IGFN1: variants seen among roughly 807,000 people sequenced by gnomAD.
IGFN1 encodes the protein immunoglobulin-like and fibronectin type III domain-containing protein 1.
A neutral mutation model predicts 289.5 loss-of-function variants in IGFN1; 253 were observed. That is an observed-to-expected ratio of 0.87 (90% CI 0.79 to 0.97). IGFN1 has a LOEUF of 0.97. Among genes scored for constraint, IGFN1 ranks in the 50% least tolerant of loss-of-function variants. The pLI is 0.00. For missense variants in IGFN1, 4,470 were observed against 4,686.1 expected (o/e 0.95, Z 1.35); for synonymous variants, 1,706 against 1,788.5 (o/e 0.95, Z 1.16).
Position 201,226,107 on chromosome 1 carries a change from C to A in IGFN1, c.10770C>A (p.Cys3590Ter). ...SKPSDTSQPW[C>*]IPRQRDRFTV... is the part of the protein sequence containing the mutation. ...CCTCGGACACCAGCCAGCCCTGGTGCATCCCCCGGCAGCGCGGTAAGCAGC... is the reference window on the plus strand; with the variant it reads ...CCTCGGACACCAGCCAGCCCTGGTGAATCCCCCGGCAGCGCGGTAAGCAGC... Residue 3590 changes from cysteine to a stop codon, truncating the protein, a stop_gained, in exon 22 of 24, where the codon TGC (cysteine) becomes TGA (stop). Coordinates refer to ENST00000335211, the MANE Select transcript of IGFN1 (RefSeq NM_001164586.2). LOFTEE classifies it high-confidence loss of function. 1 of 1,596,830 alleles carries A rather than the reference C, an allele frequency of 6.3e-7. No homozygotes were observed. The highest frequency in any genetic ancestry group is 1.7e-5 in the Admixed American group (1 of 58,736).
Position 201,194,222 on chromosome 1 carries a change from TG to T in IGFN1, c.77del (p.Cys26SerfsTer68), listed in dbSNP as rs1666786075. 21 of 1,551,624 alleles carry T rather than the reference TG, an allele frequency of 1.4e-5. No homozygotes were observed. The highest frequency in any genetic ancestry group is 1.8e-5 in the Non-Finnish European group (21 of 1,146,958). On this transcript the variant is annotated frameshift_variant, in exon 3 of 24. Transcript: ENST00000335211. LOFTEE classifies it high-confidence loss of function. Reference sequence around the variant, plus strand: ...GCTGGTGGAGGAGATCCCTGAAGGCTGCAGCACGCCGGACTTTGAGCAGAAG... The same window carrying T: ...GCTGGTGGAGGAGATCCCTGAAGGCTCAGCACGCCGGACTTTGAGCAGAAG... ...WQLVEEIPEG[C>X]STPDFEQKPV...
At position 201,210,505 on chromosome 1, in the gene IGFN1, A is replaced by AT. The variant is rs1667700761; in HGVS notation, c.5616dup (p.Arg1873Ter). The AT allele has an allele frequency of 9.4e-7, 1 of 1,067,742 alleles. No individual in the cohort carries two copies. Among genetic ancestry groups the AT allele is most frequent in the Non-Finnish European group, 1.2e-6 (1 of 857,956 alleles). 66.1% of individuals were successfully genotyped at this position (1,067,742 alleles called of 1,614,324 possible). On this transcript the variant is annotated frameshift_variant, in exon 12 of 24. Transcript: ENST00000335211. LOFTEE classifies it high-confidence loss of function. ...GGAATAGGTTCAGGGAGCAAGGCAG[A>AT]TTTTAGGGATGCTTTAGGGAGTTCT... is the stretch of plus-strand genomic sequence containing the variant.
rs1204392968 is a variant in IGFN1, at chr1:201,208,406, T to C, written c.3513T>C (p.Pro1171=). The change falls in exon 12 of 24, where the codon CCT becomes CCC. Residue 1171 remains proline (P), a synonymous_variant. Transcript: ENST00000335211. ...KVGEGDGTRC[P]GAKASGAGAG... ...GTGAGGGGGATGGGACAAGATGCCC[T>C]GGTGCTAAGGCCTCTGGAGCTGGAG... 8 of 1,451,442 alleles carry C rather than the reference T, an allele frequency of 5.5e-6. No homozygotes were observed. In the South Asian group the frequency reaches 8.9e-5, roughly 16 times the overall value. 89.9% of individuals were successfully genotyped at this position (1,451,442 alleles called of 1,614,324 possible). A position where few individuals can be genotyped will look rare whatever the true frequency, so the allele number is the denominator to read the frequency against.
chr1:201,193,004 T>C (rs1296213939), intron 1 of IGFN1, among the ~76,000 whole-genome samples: 1 of 152,184 alleles, frequency 6.6e-6, no homozygotes, highest in Non-Finnish European at 1.5e-5. Context: ...TGGTTCCCTT[T>C]ACCTGGGAAT....
Position 201,211,739 on chromosome 1 carries a change from T to A in IGFN1, c.6846T>A (p.Asp2282Glu), listed in dbSNP as rs1558149442. The change falls in exon 12 of 24, where the codon GAT (aspartate) becomes GAA (glutamate). Residue 2282 changes from aspartate to glutamate, a missense_variant. Asp to Glu is a conservative substitution (Grantham distance 45). Around this residue, in one of 8 missense-constraint regions of IGFN1, gnomAD observed 2,218 missense variants for 2,114.1 expected, o/e 1.05. Transcript: ENST00000335211. ...GTTCTGGAAAAATCAGTTCAGGGGA[T>A]GAGGCAGGTTATAAGAATGTTTTAG... is the stretch of plus-strand genomic sequence containing the variant. Reference protein sequence around the residue: ...LGSSGKISSGDEAGYKNVLGG... With the variant: ...LGSSGKISSGEEAGYKNVLGG... The A allele has an allele frequency of 1.3e-6, 2 of 1,536,948 alleles. No homozygotes were observed. Among genetic ancestry groups the A allele is most frequent in the Non-Finnish European group, 1.7e-6 (2 of 1,146,808 alleles).
chr1:201,220,019 C>G (rs1399213915), intron 18 of IGFN1, among the ~76,000 whole-genome samples: 2 of 143,002 alleles, frequency 1.4e-5, no homozygotes, highest in African/African-American at 5.2e-5. Context: ...TCTCTCTCTC[C>G]CCCTTCCTCC....
At chr1:201,215,187 C>G (rs766554155) in intron 14 of IGFN1, 33 bp downstream of exon 14, 1 of 1,599,314 alleles carries the variant, frequency 6.3e-7, no homozygotes, top group South Asian at 1.1e-5. Flanking sequence ...CCTGCCCTGT[C>G]CTGTCCCACA....
chr1:201,225,542 G>A (rs373169540), intron 21 of IGFN1, among the ~76,000 whole-genome samples: 15 of 152,288 alleles, frequency 9.8e-5, no homozygotes, highest in African/African-American at 2.2e-4. Context: ...GCAGTGAGCC[G>A]AGATCGTGCC....
chr1:201,204,136 C>T (rs1033599734), intron 10 of IGFN1, among the ~76,000 whole-genome samples: 28 of 152,162 alleles, frequency 1.8e-4, no homozygotes, highest in Middle Eastern at 3.2e-3. Context: ...GAATTACTGT[C>T]ACAGACATAG....
In IGFN1 at chr1:201,208,408, G is replaced by T; in HGVS notation, c.3515G>T (p.Gly1172Val). ...VGEGDGTRCPGAKASGAGAGY... is the reference protein window; with the variant it reads ...VGEGDGTRCPVAKASGAGAGY... ...GAGGGGGATGGGACAAGATGCCCTG[G>T]TGCTAAGGCCTCTGGAGCTGGAGCT... is the stretch of plus-strand genomic sequence containing the variant. The change falls in exon 12 of 24, where the codon GGT becomes GTT. Residue 1172 changes from glycine (G) to valine (V), a missense_variant. Gly to Val is a moderately radical substitution (Grantham distance 109, BLOSUM62 -3). Transcript: ENST00000335211. 1 of 1,450,650 alleles carries T rather than the reference G, an allele frequency of 6.9e-7. No individual in the cohort carries two copies. The highest frequency in any genetic ancestry group is 9.0e-7 in the Non-Finnish European group (1 of 1,109,844). The allele number at this position is 1,450,650 out of a possible 1,614,324, so 89.9% of individuals were successfully genotyped here.
rs746500200 is a variant in IGFN1, at chr1:201,212,695, G to A, written c.7802G>A (p.Ser2601Asn). The A allele has an allele frequency of 1.4e-5, 21 of 1,548,832 alleles. No homozygotes were observed. Among genetic ancestry groups the A allele is most frequent in the South Asian group, 4.8e-5 (4 of 83,528 alleles). ...GTGGGGACAGGTCAGGATCTGGACA[G>A]CGGCTCTATGCCTGGGGGAAGGGGC... ...SSVGTGQDLD[S>N]GSMPGGRGKS... The change falls in exon 12 of 24, where the codon AGC becomes AAC. Residue 2601 changes from serine (S) to asparagine (N), a missense_variant. This residue lies in a region of IGFN1 where 2,218 missense variants were observed against 2,114.1 expected (regional missense o/e 1.05). Transcript: ENST00000335211.
At position 201,190,915 on chromosome 1, in the gene IGFN1, G is replaced by C. The variant is rs188837679; in HGVS notation, c.-48+8G>C. On this transcript the variant is annotated splice_region_variant and intron_variant, in intron 1 of 23. Transcript: ENST00000335211. The stretch of plus-strand genomic sequence containing the variant: ...GGTCAGCTGTACACCCAGGTAAGTG[G>C]GTGCTCACACCTGGCTGCCCACCCG... 1.3e-5 allele frequency: 2 copies of C among 152,294 alleles called. No homozygotes were observed. Among genetic ancestry groups the C allele is most frequent in the Non-Finnish European group, 2.9e-5 (2 of 68,166 alleles). 9.4% of individuals were successfully genotyped at this position (152,294 alleles called of 1,614,324 possible).
rs1216803120 is a variant in IGFN1 at position 201,211,560 on chromosome 1, G to T, written c.6667G>T (p.Gly2223Ter). ...TAGGAAGGATTTGGGGGCTCCTAAGGGAATGGGTTCAGGGAGTAAGGCAGG... is the reference window on the plus strand; with the variant it reads ...TAGGAAGGATTTGGGGGCTCCTAAGTGAATGGGTTCAGGGAGTAAGGCAGG... ...GYRKDLGAPKGMGSGSKAGFR... is the reference protein window; with the variant it reads ...GYRKDLGAPK Residue 2223 changes from glycine to a stop codon, truncating the protein, a stop_gained, in exon 12 of 24, where the codon GGA (glycine) becomes TGA (stop). Transcript: ENST00000335211. LOFTEE classifies it high-confidence loss of function. 85 of 1,524,146 alleles carry T rather than the reference G, an allele frequency of 5.6e-5. No homozygotes were observed. Among genetic ancestry groups the T allele is most frequent in the Non-Finnish European group, 5.7e-5 (65 of 1,139,922 alleles). 94.4% of individuals were successfully genotyped at this position (1,524,146 alleles called of 1,614,324 possible). A position where few individuals can be genotyped will look rare whatever the true frequency, so the allele number is the denominator to read the frequency against.
In IGFN1 at chr1:201,220,190, C is replaced by G. The variant is rs887093859; in HGVS notation, c.9899-1254C>G. On this transcript the variant is annotated intron_variant, in intron 18 of 23. Coordinates refer to ENST00000335211, the MANE Select transcript of IGFN1 (RefSeq NM_001164586.2). Reference sequence around the variant, plus strand: ...TCTTTCTATCCCTTTCTTTCTCTCTCTCTCTCTCTCTCTAACAGGGTCCAC... The same window carrying G: ...TCTTTCTATCCCTTTCTTTCTCTCTGTCTCTCTCTCTCTAACAGGGTCCAC... 2.7e-5 allele frequency among the ~76,000 whole-genome samples: 4 copies of G among 150,238 alleles called. 1 individual carries two copies. Among genetic ancestry groups the G allele is most frequent in the African/African-American group, 4.9e-5 (2 of 40,672 alleles).
At chr1:201,216,108 A>G in intron 15 of IGFN1, 1 of 672,246 alleles carries the variant, frequency 1.5e-6, no homozygotes, top group Non-Finnish European at 2.7e-6. Flanking sequence ...GTTGCTGGGT[A>G]GGATGGTGGT....
chr1:201,216,237 G>A (rs925385326), intron 15 of IGFN1: 2 of 601,262 alleles, frequency 3.3e-6, no homozygotes, highest in East Asian at 2.8e-5. Context: ...ATCCCTGGGT[G>A]CATGTGTGTG....
At position 201,211,924 on chromosome 1, in the gene IGFN1, C is replaced by T. The variant is rs1489343528; in HGVS notation, c.7031C>T (p.Ser2344Leu). 1 of 1,526,730 alleles carries T rather than the reference C, an allele frequency of 6.5e-7. No individual in the cohort carries two copies. The highest frequency in any genetic ancestry group is 8.8e-7 in the Non-Finnish European group (1 of 1,141,654). The allele number at this position is 1,526,730 out of a possible 1,614,324, so 94.6% of individuals were successfully genotyped here. Residue 2344 changes from serine to leucine, a missense_variant, in exon 12 of 24, where the codon TCA becomes TTA. Physicochemically the swap from Ser to Leu is moderately radical, Grantham distance 145. This residue lies in a region of IGFN1 where 2,218 missense variants were observed against 2,114.1 expected (regional missense o/e 1.05). Transcript: ENST00000335211. ...SGSEVSYRGG[S>L]GGSGETGPEG... is the part of the protein sequence containing the mutation. ...AGTGAGGTCAGTTATAGAGGAGGCT[C>T]AGGAGGATCTGGGGAAACGGGACCA...
At chr1:201,217,097 C>T (rs919736787) in intron 16 of IGFN1, among the ~76,000 whole-genome samples, 190 bp from the exon 17 acceptor site, 1 of 152,136 alleles carries the variant, frequency 6.6e-6, no homozygotes, top group African/African-American at 2.4e-5. Context: ...AGTGCCTTCT[C>T]TGTCCTTTCG....
At chr1:201,220,074 CTTTCTCTTTTTCTTT>C (rs1653625492) in intron 18 of IGFN1, among the ~76,000 whole-genome samples, 1 of 132,336 alleles carries the variant, frequency 7.6e-6, no homozygotes, top group African/African-American at 2.8e-5. Flanking sequence ...TTTTTCCTTT[CTTTCTCTTTTTCTTT>C]CTTTCTTTCT....
Sources: gnomAD v4.1 joint callset for allele counts (sites outside exome capture counted in the v4.1 genomes callset) on GRCh38, gnomAD v4.1.1 for gene constraint, gnomAD v4.1.1 regional missense constraint, MANE v1.5 for transcripts, NCBI Gene and HGNC (gene_info 2026-07-23, HGNC 2026-07-21) for gene names.